PHACTR1: variants seen among roughly 807,000 people sequenced by gnomAD.
The protein encoded by PHACTR1 is phosphatase and actin regulator 1.
A neutral mutation model predicts 69.2 loss-of-function variants in PHACTR1; 16 were observed. That is an observed-to-expected ratio of 0.23 (90% CI 0.16 to 0.35). The LOEUF (loss-of-function observed/expected upper bound fraction) is 0.35, where lower values mean the gene tolerates loss of function less well. Ranked by LOEUF, PHACTR1 falls within the 10% of genes least tolerant of loss-of-function variation. PHACTR1 has a pLI of 1.00. For synonymous variants in PHACTR1, 312 were observed against 284.5 expected, an observed-to-expected ratio of 1.10 and a Z score of -0.97; for missense variants, 510 against 734.7, an observed-to-expected ratio of 0.69 and a Z score of 3.54.
intron 4 of PHACTR1, among the ~76,000 whole-genome samples, chr6:13,051,365 C>T (rs1258192693): frequency 2.6e-5 from 4 of 152,100 alleles, no homozygotes; most frequent in African/African-American, 4.8e-5. Flanking sequence ...TGTGATAATA[C>T]CAGTTTCCCA....
intron 4 of PHACTR1, among the ~76,000 whole-genome samples, chr6:12,931,031 G>T (rs558825459): frequency 1.2e-4 from 18 of 149,764 alleles, no homozygotes; most frequent in Middle Eastern, 3.5e-3. Context: ...AAAAAAGAAG[G>T]TGACAAATGC....
At chr6:12,865,467 TG>T (rs1781360083) in intron 4 of PHACTR1, among the ~76,000 whole-genome samples, 2 of 151,966 alleles carry the variant, frequency 1.3e-5, no homozygotes, top group Non-Finnish European at 2.9e-5. Context: ...GGTGTGTGTG[TG>T]TGTGTGTGTG....
Position 12,843,557 on chromosome 6 carries a change from T to C in PHACTR1, c.250+93767T>C, listed in dbSNP as rs556562720. Among the ~76,000 whole-genome samples, 50 of 152,316 alleles carry C rather than the reference T, an allele frequency of 3.3e-4. 1 individual carries two copies. The highest frequency in any genetic ancestry group is 1.1e-3 in the African/African-American group (45 of 41,562). Reference sequence around the variant, plus strand: ...TTTTGAAGCTGATGAGCAAACCAGTTGCTTGAAAACCATTGATTCCTCATA... The same window carrying C: ...TTTTGAAGCTGATGAGCAAACCAGTCGCTTGAAAACCATTGATTCCTCATA... On this transcript the variant is annotated intron_variant, in intron 4 of 14. Transcript: ENST00000332995.
chr6:13,274,682 A>T (rs377124127), intron 11 of PHACTR1: 21 of 152,376 alleles, frequency 1.4e-4, no homozygotes, highest in African/African-American at 5.0e-4. Context: ...CAAAGATATC[A>T]GATCCCCGCT....
intron 4 of PHACTR1, among the ~76,000 whole-genome samples, chr6:13,010,234 T>C (rs998769349): frequency 6.6e-6 from 1 of 152,130 alleles, no homozygotes; most frequent in Admixed American, 6.5e-5. Flanking sequence ...TTCAAGCGAT[T>C]CTCCTGCCTC....
Position 13,130,312 on chromosome 6 carries a change from A to C in PHACTR1, c.416-29892A>C, listed in dbSNP as rs146954628. Reference sequence around the variant, plus strand: ...AAAAACAAAACAAAACAAAAAGGTCAGAGCAGAACTAAATGAAATTGAAAC... The same window carrying C: ...AAAAACAAAACAAAACAAAAAGGTCCGAGCAGAACTAAATGAAATTGAAAC... On this transcript the variant is annotated intron_variant, in intron 5 of 14. Coordinates refer to ENST00000332995, the MANE Select transcript of PHACTR1 (RefSeq NM_030948.6). Among the ~76,000 whole-genome samples, 833 of 152,214 alleles carry C rather than the reference A, an allele frequency of 5.5e-3. 7 individuals are homozygous for C. The highest frequency in any genetic ancestry group is 0.019 in the African/African-American group (793 of 41,566).
At chr6:12,822,393 G>A (rs866407358) in intron 4 of PHACTR1, among the ~76,000 whole-genome samples, 7 of 152,180 alleles carry the variant, frequency 4.6e-5, no homozygotes, top group Admixed American at 1.3e-4. Flanking sequence ...AGAAATTCTA[G>A]TCAGGGAGGC....
At chr6:13,005,730 G>A (rs996096923) in intron 4 of PHACTR1, among the ~76,000 whole-genome samples, 4 of 152,060 alleles carry the variant, frequency 2.6e-5, no homozygotes, top group Non-Finnish European at 5.9e-5. Flanking sequence ...ATATTCCATT[G>A]TTTTCCTCGG....
chr6:12,931,541 T>G (rs553552339), intron 4 of PHACTR1, among the ~76,000 whole-genome samples: 1 of 152,104 alleles, frequency 6.6e-6, no homozygotes, highest in Non-Finnish European at 1.5e-5. Flanking sequence ...AGTAAGCTCA[T>G]ACTGTGGGGC....
rs546802361 is a variant in PHACTR1 at position 13,114,216 on chromosome 6, G to A, written c.416-45988G>A. Among the ~76,000 whole-genome samples the A allele has an allele frequency of 6.6e-5, 10 of 152,194 alleles. No homozygotes were observed. The East Asian group carries it at 1.9e-3, about 29-fold the overall frequency. On this transcript the variant is annotated intron_variant, in intron 5 of 14. Transcript: ENST00000332995. Reference sequence around the variant, plus strand: ...CTGCTCTAGCTGCTCTCACTAGTTGGCTCAAGATCAGAAAAGAATACAGTT... The same window carrying A: ...CTGCTCTAGCTGCTCTCACTAGTTGACTCAAGATCAGAAAAGAATACAGTT...
chr6:12,880,159 C>T (rs1033466994), intron 4 of PHACTR1, among the ~76,000 whole-genome samples: 3 of 151,894 alleles, frequency 2.0e-5, no homozygotes, highest in African/African-American at 7.3e-5. Context: ...CTCCAGAGAT[C>T]GCATGCCAAT....
chr6:13,192,654 G>A (rs922436894), intron 7 of PHACTR1, among the ~76,000 whole-genome samples: 3 of 152,170 alleles, frequency 2.0e-5, no homozygotes, highest in African/African-American at 4.8e-5. Flanking sequence ...TTTATAACTG[G>A]ATGTATAAAT....
chr6:13,218,388 T>C (rs1196311474), intron 8 of PHACTR1, among the ~76,000 whole-genome samples: 1 of 152,210 alleles, frequency 6.6e-6, no homozygotes, highest in Admixed American at 6.5e-5. Context: ...GTGCCTCTTA[T>C]AATGACCCAG....
At chr6:12,988,041 TG>T (rs1444011674) in intron 4 of PHACTR1, among the ~76,000 whole-genome samples, 1 of 152,150 alleles carries the variant, frequency 6.6e-6, no homozygotes, top group East Asian at 1.9e-4. Context: ...CCTGTGGCTG[TG>T]GGAACAGTCA....
At chr6:13,276,730 C>A (rs185514545) in intron 11 of PHACTR1, among the ~76,000 whole-genome samples, 35 of 152,014 alleles carry the variant, frequency 2.3e-4, no homozygotes, top group African/African-American at 7.7e-4. Flanking sequence ...CGAGATCATG[C>A]CACTGCACTC....
chr6:12,945,630 A>G (rs1037059558), intron 4 of PHACTR1, among the ~76,000 whole-genome samples: 1 of 152,188 alleles, frequency 6.6e-6, no homozygotes, highest in African/African-American at 2.4e-5. Context: ...AGCAAAGCCA[A>G]CCTGATTTAC....
At chr6:13,161,878 A>G (rs987409620) in intron 6 of PHACTR1, among the ~76,000 whole-genome samples, 2 of 152,202 alleles carry the variant, frequency 1.3e-5, no homozygotes, top group African/African-American at 4.8e-5. Flanking sequence ...CAGAATGTGA[A>G]GGTGCATGAT....
intron 5 of PHACTR1, among the ~76,000 whole-genome samples, chr6:13,104,985 T>C (rs1045817178): frequency 4.6e-5 from 7 of 152,230 alleles, no homozygotes; most frequent in African/African-American, 1.7e-4. Flanking sequence ...TACATTATCC[T>C]CTGTCCTTTT....
At chr6:12,945,024 C>T (rs928287135) in intron 4 of PHACTR1, among the ~76,000 whole-genome samples, 5 of 151,978 alleles carry the variant, frequency 3.3e-5, no homozygotes, top group Non-Finnish European at 4.4e-5. Flanking sequence ...CCTCATGATC[C>T]GCCCGTCTCG....
Sources: gnomAD v4.1 joint callset for allele counts (sites outside exome capture counted in the v4.1 genomes callset) on GRCh38, gnomAD v4.1.1 for gene constraint, MANE v1.5 for transcripts, NCBI Gene and HGNC (gene_info 2026-07-23, HGNC 2026-07-21) for gene names.